Variants in ITGA11 observed in about 807,000 individuals in gnomAD.
ITGA11 encodes integrin alpha-11.
A neutral mutation model predicts 141.9 loss-of-function variants in ITGA11; 97 were observed. The observed-to-expected ratio is 0.68, with a 90% CI of 0.58 to 0.81. The LOEUF (loss-of-function observed/expected upper bound fraction) is 0.81. Among genes scored for constraint, ITGA11 ranks in the 30% least tolerant of loss-of-function variants. The pLI is 0.00. For synonymous variants in ITGA11, 658 were observed against 624.6 expected, an observed-to-expected ratio of 1.05 and a Z score of -0.80; for missense variants, 1,387 against 1,559.2, an observed-to-expected ratio of 0.89 and a Z score of 1.86.
At chr15:68,353,631 C>T (rs936081772) in intron 7 of ITGA11, among the ~76,000 whole-genome samples, 1 of 152,116 alleles carries the variant, frequency 6.6e-6, no homozygotes, top group Non-Finnish European at 1.5e-5. Context: ...ATTTTAAATT[C>T]GGATTCTGCA....
chr15:68,349,009 TGGGGCTCTCTTTCGAGGG>T, intron 9 of ITGA11, 109 bp from the exon 10 acceptor site: 1 of 893,628 alleles, frequency 1.1e-6, no homozygotes, highest in Non-Finnish European at 1.7e-6. Context: ...CGTCAGGAGG[TGGGGCTCTCTTTCGAGGG>T]GGGGCTCTGA....
chr15:68,431,117 G>A (rs1897259531), intron 1 of ITGA11, among the ~76,000 whole-genome samples: 2 of 152,212 alleles, frequency 1.3e-5, no homozygotes, highest in Admixed American at 1.3e-4. Flanking sequence ...CAGCCGCCCC[G>A]CGTGGAGGGT....
chr15:68,411,426 C>G (rs901719170), intron 1 of ITGA11, among the ~76,000 whole-genome samples: 1 of 152,218 alleles, frequency 6.6e-6, no homozygotes, highest in Non-Finnish European at 1.5e-5. Context: ...TTGGTGGCTC[C>G]CTGATCACAA....
At chr15:68,317,472 C>T (rs1170423481) in intron 20 of ITGA11, 109 bp from the exon 21 acceptor site, 7 of 766,302 alleles carry the variant, frequency 9.1e-6, no homozygotes, top group South Asian at 1.5e-5. Context: ...GCCGCCTCAG[C>T]CCCTGATACC....
intron 11 of ITGA11, among the ~76,000 whole-genome samples, chr15:68,338,333 C>T (rs577332741): frequency 6.6e-6 from 1 of 152,364 alleles, no homozygotes; most frequent in African/African-American, 2.4e-5. Flanking sequence ...TTATAATTAT[C>T]TGCGCACATG....
chr15:68,407,051 G>T (rs1276239042), intron 1 of ITGA11, among the ~76,000 whole-genome samples: 1 of 152,182 alleles, frequency 6.6e-6, no homozygotes, highest in Non-Finnish European at 1.5e-5. Flanking sequence ...TCATAAGAAG[G>T]ACTCACTGGG....
chr15:68,374,809 C>T (rs1895687605), intron 2 of ITGA11, among the ~76,000 whole-genome samples: 2 of 152,250 alleles, frequency 1.3e-5, no homozygotes, highest in South Asian at 4.1e-4. Context: ...CCCTGATGGG[C>T]CTCACAGCCT....
chr15:68,351,149 G>A, intron 8 of ITGA11, 109 bp downstream of exon 8: 1 of 1,201,846 alleles, frequency 8.3e-7, no homozygotes, highest in Non-Finnish European at 1.2e-6. Flanking sequence ...TTTTTTGAGG[G>A]CCTGGACACT....
Position 68,301,717 on chromosome 15 carries a change from CTG to C in ITGA11, c.*1340_*1341del, listed in dbSNP as rs1893029995. 6.6e-6 allele frequency: 1 copy of C among 152,604 alleles called. No individual in the cohort carries two copies. The highest frequency in any genetic ancestry group is 2.1e-4 in the South Asian group (1 of 4,834). 9.5% of individuals were successfully genotyped at this position (152,604 alleles called of 1,614,324 possible). ...GTCAGTGCTTGGTTGTTTTTAAACACTGTATTTTTAATTTTTCAAAAATACGA... is the reference window on the plus strand; with the variant it reads ...GTCAGTGCTTGGTTGTTTTTAAACACTATTTTTAATTTTTCAAAAATACGA... On this transcript the variant is annotated 3_prime_UTR_variant, in exon 30 of 30. Coordinates refer to ENST00000315757, the MANE Select transcript of ITGA11 (RefSeq NM_001004439.2). The surrounding 1 kb of genome is among the most constrained non-coding windows in gnomAD (Gnocchi z 4.4).
chr15:68,335,562 A>G lies in ITGA11; in HGVS notation c.1425+135T>C. 1 of 994,392 alleles carries G rather than the reference A, an allele frequency of 1.0e-6. No individual in the cohort carries two copies. The highest frequency in any genetic ancestry group is 1.6e-5 in the African/African-American group (1 of 62,952). 61.6% of individuals were successfully genotyped at this position (994,392 alleles called of 1,614,324 possible). A position where few individuals can be genotyped will look rare whatever the true frequency, so the allele number is the denominator to read the frequency against. On this transcript the variant is annotated intron_variant, in intron 12 of 29. Transcript: ENST00000315757. This position sits in a 1 kb window ranked among gnomAD's most constrained non-coding sequence, Gnocchi z 4.9. ...GCGCACTCCTGCCACTCCTGGCAGCATGAAGGTGGCTGGAGGAACATGACT... is the reference window on the plus strand; with the variant it reads ...GCGCACTCCTGCCACTCCTGGCAGCGTGAAGGTGGCTGGAGGAACATGACT...
chr15:68,349,438 A>G (rs768836077), intron 9 of ITGA11, among the ~76,000 whole-genome samples: 2 of 152,202 alleles, frequency 1.3e-5, no homozygotes, highest in African/African-American at 2.4e-5. Flanking sequence ...GACTCCCTGA[A>G]CACATCATTG....
chr15:68,356,595 T>C (rs900807149), intron 7 of ITGA11, among the ~76,000 whole-genome samples: 1 of 152,210 alleles, frequency 6.6e-6, no homozygotes, highest in Admixed American at 6.5e-5. Context: ...ATATTCCCCA[T>C]TCTAAATGCT....
At chr15:68,360,865 C>T (rs1420571547) in intron 5 of ITGA11, among the ~76,000 whole-genome samples, 3 of 152,166 alleles carry the variant, frequency 2.0e-5, no homozygotes, top group South Asian at 2.1e-4. Flanking sequence ...CCATCTGACT[C>T]GGCCTTGTTG....
At position 68,321,161 on chromosome 15, in the gene ITGA11, GTTTCT is replaced by G. The variant is rs929469445; in HGVS notation, c.2408+252_2408+256del. 6.0e-5 allele frequency among the ~76,000 whole-genome samples: 3 copies of G among 49,786 alleles called. No individual in the cohort carries two copies. The highest frequency in any genetic ancestry group is 1.4e-4 in the Non-Finnish European group (3 of 21,418). The allele number at this position is 49,786 out of a possible 152,430, so 32.7% of individuals were successfully genotyped here. ...TTGTAATGTGGGCTCCGAAGAAAGGGTTTCTTTTTTTTTTTTTTTTTAACAAAATT... is the reference window on the plus strand; with the variant it reads ...TTGTAATGTGGGCTCCGAAGAAAGGGTTTTTTTTTTTTTTTTAACAAAATT... On this transcript the variant is annotated intron_variant, in intron 19 of 29. Transcript: ENST00000315757. The surrounding 1 kb of genome is among the most constrained non-coding windows in gnomAD (Gnocchi z 4.9).
At chr15:68,338,434 A>G (rs958248707) in intron 11 of ITGA11, among the ~76,000 whole-genome samples, 13 of 152,264 alleles carry the variant, frequency 8.5e-5, no homozygotes, top group African/African-American at 3.1e-4. Context: ...GATGGCATCA[A>G]CTGCAGGTGC....
chr15:68,377,522 T>G (rs1176557079), intron 2 of ITGA11, among the ~76,000 whole-genome samples: 1 of 152,216 alleles, frequency 6.6e-6, no homozygotes, highest in African/African-American at 2.4e-5. Context: ...TCTGCCCTCC[T>G]CAGCCTCCCA....
intron 1 of ITGA11, among the ~76,000 whole-genome samples, chr15:68,405,910 G>A (rs753385580): frequency 1.6e-4 from 25 of 152,076 alleles, no homozygotes; most frequent in African/African-American, 2.7e-4. Context: ...ATGCACGCAC[G>A]TGCACACACA....
At chr15:68,354,001 A>G (rs1429867454) in intron 7 of ITGA11, among the ~76,000 whole-genome samples, 1 of 151,946 alleles carries the variant, frequency 6.6e-6, no homozygotes, top group African/African-American at 2.4e-5. Flanking sequence ...CTGCTTGCCA[A>G]CAACTCCCTC....
chr15:68,311,444 G>C (rs777348815), intron 24 of ITGA11, 41 bp from the exon 25 acceptor site: 7 of 1,409,964 alleles, frequency 5.0e-6, no homozygotes, highest in African/African-American at 2.8e-5. Context: ...AGTCAGTTGA[G>C]GGGGGTGGAA....
Sources: gnomAD v4.1 joint callset for allele counts (sites outside exome capture counted in the v4.1 genomes callset) on GRCh38, gnomAD v4.1.1 for gene constraint, Gnocchi (gnomAD v3.1) non-coding constraint, MANE v1.5 for transcripts, NCBI Gene and HGNC (gene_info 2026-07-23, HGNC 2026-07-21) for gene names.